Variants in IL17REL observed in about 807,000 individuals in gnomAD.
IL17REL encodes the protein interleukin 17 receptor E like, also known as interleukin-17 receptor E-like protein.
In IL17REL, 36 loss-of-function variants were observed where a neutral mutation model predicts 49.0. The observed-to-expected ratio is 0.73, with a 90% confidence interval of 0.56 to 0.97. The LOEUF (loss-of-function observed/expected upper bound fraction) is 0.97, where lower values mean the gene tolerates loss of function less well. Among genes scored for constraint, IL17REL ranks in the 50% least tolerant of loss-of-function variants. IL17REL has a pLI of 0.00. For missense variants in IL17REL, 470 were observed against 453.9 expected (o/e 1.04, Z -0.32); for synonymous variants, 206 against 192.4 (o/e 1.07, Z -0.58).
intron 4 of IL17REL, 97 bp from the exon 7 acceptor site, chr22:50,000,064 G>A: frequency 2.3e-6 from 3 of 1,324,328 alleles, no homozygotes; most frequent in Non-Finnish European, 2.9e-6. Flanking sequence ...GCTCCTGCTG[G>A]GTTCAGACGT....
chr22:50,009,213 T>G, upstream of IL17REL: 1 of 122,762 alleles, frequency 8.1e-6, no homozygotes, highest in African/African-American at 3.1e-5. Context: ...TGAGGCTGAG[T>G]TGGTGGTGCG....
At position 50,006,722 on chromosome 22, in the gene IL17REL, G is replaced by T. The variant is rs2061112338; in HGVS notation, c.-42+1915C>A. ...TAATCCCAGCACTTTGGGAGGCCGA[G>T]GCGGGCGGATCATGAGGTCAAGAGA... On this transcript the variant is annotated intron_variant, in intron 1 of 12. Transcript: ENST00000341280. Among the ~76,000 whole-genome samples the T allele has an allele frequency of 2.0e-5, 3 of 152,140 alleles. No homozygotes were observed. The South Asian group carries it at 6.2e-4, about 31-fold the overall frequency.
At chr22:49,993,658 TCCCCC>T (rs2061017320), downstream of IL17REL, among the ~76,000 whole-genome samples, 1 of 152,016 alleles carries the variant, frequency 6.6e-6, no homozygotes. This position sits in a 1 kb window ranked among gnomAD's most constrained non-coding sequence, Gnocchi z 6.0. Flanking sequence ...AGACTCAGTT[TCCCCC>T]ATCTGCAGAA....
At chr22:50,010,002 C>CGGCGGCAGTGAGTG (rs1313240917), upstream of IL17REL, among the ~76,000 whole-genome samples, 1 of 152,182 alleles carries the variant, frequency 6.6e-6, no homozygotes, top group Non-Finnish European at 1.5e-5. Context: ...GGTGTGGAAT[C>CGGCGGCAGTGAGTG]ACGTGCTACT....
At chr22:49,996,927 G>A (rs976022747) in intron 12 of IL17REL, 67 bp from the exon 15 acceptor site, 21 of 760,316 alleles carry the variant, frequency 2.8e-5, no homozygotes, top group African/African-American at 7.2e-5. Flanking sequence ...GATGGGAAGG[G>A]GGGGTGTGAA....
At chr22:50,001,128 G>A (rs555963112) in exon 2 of IL17REL, 14 of 1,605,292 alleles carry the variant, frequency 8.7e-6, no homozygotes, top group South Asian at 5.6e-5. Context: ...TCGCGCAGCC[G>A]TCAGAGGGGA....
At chr22:49,997,688 G>A (rs2146739573) in exon 10 of IL17REL, 1 of 1,613,808 alleles carries the variant, frequency 6.2e-7, no homozygotes. Context: ...AACTTACTTG[G>A]GAAGCGACGC....
At position 49,999,513 on chromosome 22, in the gene IL17REL, G is replaced by C. The variant is rs1287810116; in HGVS notation, c.475-11C>G. On this transcript the variant is annotated splice_polypyrimidine_tract_variant and intron_variant, in intron 5 of 12. Coordinates refer to ENST00000341280, the Ensembl canonical transcript of IL17REL. Reference sequence around the variant, plus strand: ...GCTGTTGGCGGTCACCTGCAACCCAGAAAGGGCGGCTGAGGGGCCGCGCGG... The same window carrying C: ...GCTGTTGGCGGTCACCTGCAACCCACAAAGGGCGGCTGAGGGGCCGCGCGG... The C allele has an allele frequency of 6.7e-7, 1 of 1,489,646 alleles. No homozygotes were observed. The highest frequency in any genetic ancestry group is 3.0e-5 in the East Asian group (1 of 32,916). The allele number at this position is 1,489,646 out of a possible 1,614,324, so 92.3% of individuals were successfully genotyped here. A position where few individuals can be genotyped will look rare whatever the true frequency, so the allele number is the denominator to read the frequency against.
intron 1 of IL17REL, among the ~76,000 whole-genome samples, chr22:50,005,469 T>C (rs1203490294): frequency 1.3e-5 from 2 of 152,004 alleles, no homozygotes; most frequent in Non-Finnish European, 2.9e-5. Flanking sequence ...TTCAAGCTGG[T>C]GTTGACAGAG....
chr22:50,010,435 G>C (rs377273416), upstream of IL17REL, among the ~76,000 whole-genome samples: 14 of 152,362 alleles, frequency 9.2e-5, no homozygotes, highest in East Asian at 2.5e-3. Context: ...AGGCAGCGTG[G>C]GGAGGCCCAG....
At chr22:50,008,430 G>C (rs536822777) in intron 1 of IL17REL, among the ~76,000 whole-genome samples, 1 of 152,176 alleles carries the variant, frequency 6.6e-6, no homozygotes, top group Non-Finnish European at 1.5e-5. Flanking sequence ...CCCACCTCTG[G>C]CCAGGAGCCA....
exon 11 of IL17REL, chr22:49,997,416 G>T (rs1363315919): frequency 1.2e-6 from 2 of 1,613,218 alleles, no homozygotes; most frequent in Admixed American, 1.7e-5. Context: ...AGTGGGCGGG[G>T]CTGGACGAGA....
At chr22:49,993,208 G>A (rs1402871873), downstream of IL17REL, among the ~76,000 whole-genome samples, 1 of 152,194 alleles carries the variant, frequency 6.6e-6, no homozygotes, top group African/African-American at 2.4e-5. The surrounding 1 kb of genome is among the most constrained non-coding windows in gnomAD (Gnocchi z 6.0). Context: ...TGCTGGGTCG[G>A]GGCCCAGGGC....
At chr22:49,999,925 A>C in exon 5 of IL17REL, 1 of 1,536,482 alleles carries the variant, frequency 6.5e-7, no homozygotes, top group Non-Finnish European at 8.8e-7. Flanking sequence ...TTGCACCAGA[A>C]TCGCCTTGCG....
At chr22:49,994,504 G>C (rs914481452), downstream of IL17REL, 1 of 152,418 alleles carries the variant, frequency 6.6e-6, no homozygotes, top group Non-Finnish European at 1.5e-5. Context: ...ATCCAGCCAG[G>C]CCCAAGCTCC....
intron 1 of IL17REL, among the ~76,000 whole-genome samples, chr22:50,005,105 A>G (rs1229048811): frequency 2.6e-5 from 4 of 152,060 alleles, no homozygotes; most frequent in Non-Finnish European, 4.4e-5. Flanking sequence ...TAAAATGTAT[A>G]AAAATAAGAA....
chr22:49,993,262 G>A (rs1263876205), downstream of IL17REL, among the ~76,000 whole-genome samples: 2 of 152,210 alleles, frequency 1.3e-5, no homozygotes, highest in African/African-American at 2.4e-5. The surrounding 1 kb of genome is among the most constrained non-coding windows in gnomAD (Gnocchi z 6.0). Flanking sequence ...TGAGGCAGGC[G>A]GGCGTCCAAG....
chr22:50,010,456 T>A (rs1336326856), upstream of IL17REL, among the ~76,000 whole-genome samples: 1 of 152,220 alleles, frequency 6.6e-6, no homozygotes, highest in East Asian at 1.9e-4. Flanking sequence ...TGAGGCCGCC[T>A]GTGTGGAACT....
intron 1 of IL17REL, among the ~76,000 whole-genome samples, chr22:50,007,483 G>C (rs1386188463): frequency 6.6e-6 from 1 of 152,110 alleles, no homozygotes; most frequent in African/African-American, 2.4e-5. Flanking sequence ...TGATTCTCTT[G>C]CCTCAGCCTC....
Sources: gnomAD v4.1 joint callset for allele counts (sites outside exome capture counted in the v4.1 genomes callset) on GRCh38, gnomAD v4.1.1 for gene constraint, Gnocchi (gnomAD v3.1) non-coding constraint, MANE v1.5 for transcripts, NCBI Gene and HGNC (gene_info 2026-07-23, HGNC 2026-07-21) for gene names.